Variants in MSI2 observed in about 807,000 individuals in gnomAD.
MSI2 encodes RNA-binding protein Musashi homolog 2.
MSI2 carries 17 observed loss-of-function variants against 45.6 expected under a neutral mutation model. That is an observed-to-expected ratio of 0.37 (90% confidence interval 0.26 to 0.56). MSI2 has a LOEUF of 0.56. MSI2 is among the 20% of genes least tolerant of loss of function. MSI2 has a pLI of 0.77. For synonymous variants in MSI2, 156 were observed against 158.2 expected, an observed-to-expected ratio of 0.99 and a Z score of 0.11; for missense variants, 293 against 444.2, an observed-to-expected ratio of 0.66 and a Z score of 3.06.
In MSI2 at chr17:57,262,130, C is replaced by G. The variant is rs775878253; in HGVS notation, c.271-21C>G. The G allele has an allele frequency of 2.5e-6, 4 of 1,613,584 alleles. No individual in the cohort carries two copies. The South Asian group carries it at 3.3e-5, about 13-fold the overall frequency. ...CCTTAAAGTACTTTATTGACTCCTG[C>G]TTTTCTATTTTTTTTCCCAGATTGA... On this transcript the variant is annotated intron_variant, in intron 4 of 13. Transcript: ENST00000284073.
chr17:57,317,239 A>G (rs1035539843), intron 5 of MSI2, among the ~76,000 whole-genome samples: 4 of 152,172 alleles, frequency 2.6e-5, no homozygotes, highest in Non-Finnish European at 5.9e-5. Context: ...TGGGGGTGGC[A>G]GCATGCTTAC....
At chr17:57,332,840 A>G (rs1007915916) in intron 5 of MSI2, among the ~76,000 whole-genome samples, 3 of 152,182 alleles carry the variant, frequency 2.0e-5, no homozygotes, top group Admixed American at 1.3e-4. Flanking sequence ...CCTAGCCAAC[A>G]TGGTGAAACC....
intron 6 of MSI2, among the ~76,000 whole-genome samples, chr17:57,420,997 T>C (rs914925340): frequency 1.1e-4 from 17 of 152,340 alleles, no homozygotes; most frequent in Non-Finnish European, 2.5e-4. Flanking sequence ...TATTGCACTA[T>C]AGCTTTGGTG....
At chr17:57,432,904 G>A (rs998996233) in intron 6 of MSI2, among the ~76,000 whole-genome samples, 1 of 152,114 alleles carries the variant, frequency 6.6e-6, no homozygotes, top group African/African-American at 2.4e-5. Context: ...CCTTGTCACG[G>A]TCCCTCTTGC....
intron 7 of MSI2, among the ~76,000 whole-genome samples, chr17:57,539,782 A>T (rs1370475298): frequency 2.0e-5 from 3 of 152,278 alleles, no homozygotes; most frequent in East Asian, 3.9e-4. Context: ...CCAAGACCAG[A>T]GGGGAGGAGG....
chr17:57,695,840 G>A, the MSI2 span, among the ~76,000 whole-genome samples: 66 of 152,134 alleles, frequency 4.3e-4, no homozygotes, highest in South Asian at 9.6e-3. Flanking sequence ...TTCTGGTGAC[G>A]GCTCTCTTCC....
intron 6 of MSI2, among the ~76,000 whole-genome samples, chr17:57,402,902 G>A (rs137950691): frequency 2.6e-5 from 4 of 152,258 alleles, no homozygotes; most frequent in South Asian, 2.1e-4. Flanking sequence ...GACTGTGTAC[G>A]TTATAGCACT....
intron 11 of MSI2, among the ~76,000 whole-genome samples, chr17:57,661,490 C>T (rs75226173): frequency 0.014 from 2,179 of 152,084 alleles, 56 homozygotes; most frequent in African/African-American, 0.049. Flanking sequence ...ATGCAAGTGG[C>T]GCTCAGTAAG....
rs144532593 is a variant in MSI2 at position 57,399,966 on chromosome 17, C to T, written c.313-1413C>T. 1.8e-3 allele frequency among the ~76,000 whole-genome samples: 270 copies of T among 152,292 alleles called. 3 individuals are homozygous for T. In the Middle Eastern group the frequency reaches 0.031, roughly 17 times the overall value. ...TCACTCATTCACTCAGCAGATACGC[C>T]GGGAGCCTCTGTGATGACTGACCCG... On this transcript the variant is annotated intron_variant, in intron 5 of 13. Transcript: ENST00000284073.
chr17:57,599,892 A>G (rs1448723995), intron 8 of MSI2, among the ~76,000 whole-genome samples: 2 of 152,200 alleles, frequency 1.3e-5, no homozygotes, highest in African/African-American at 4.8e-5. Context: ...GGGCTTACTT[A>G]GCACAGTGTC....
At chr17:57,343,764 C>G (rs1381539551) in intron 5 of MSI2, among the ~76,000 whole-genome samples, 2 of 152,142 alleles carry the variant, frequency 1.3e-5, no homozygotes, top group Non-Finnish European at 2.9e-5. Flanking sequence ...CTGCTTTAAC[C>G]TGGAATATTT....
At chr17:57,371,041 C>T (rs1383082682) in intron 5 of MSI2, among the ~76,000 whole-genome samples, 1 of 152,170 alleles carries the variant, frequency 6.6e-6, no homozygotes, top group Non-Finnish European at 1.5e-5. Context: ...ATGCAGTAGG[C>T]TCAGTATCTT....
intron 3 of MSI2, among the ~76,000 whole-genome samples, chr17:57,257,873 C>T (rs779677855): frequency 1.3e-5 from 2 of 151,804 alleles, no homozygotes; most frequent in Non-Finnish European, 2.9e-5. Flanking sequence ...TGTGTGTTTC[C>T]CCCACACTCC....
At chr17:57,258,182 C>G (rs913000508) in intron 3 of MSI2, 88 bp from the exon 4 acceptor site, 1 of 1,184,342 alleles carries the variant, frequency 8.4e-7, no homozygotes, top group African/African-American at 1.5e-5. Flanking sequence ...AACTTTTGCT[C>G]CTCATTCAGC....
intron 6 of MSI2, among the ~76,000 whole-genome samples, chr17:57,418,730 T>C (rs1030015007): frequency 2.0e-5 from 3 of 152,210 alleles, no homozygotes; most frequent in African/African-American, 7.2e-5. Flanking sequence ...TGCAGCTTTA[T>C]GCGACGGGTC....
intron 5 of MSI2, among the ~76,000 whole-genome samples, chr17:57,286,231 T>G (rs1311145523): frequency 6.6e-6 from 1 of 151,926 alleles, no homozygotes; most frequent in African/African-American, 2.4e-5. Flanking sequence ...CAACAAATAG[T>G]CTTTTTTTTT....
intron 6 of MSI2, among the ~76,000 whole-genome samples, chr17:57,507,302 C>T (rs2086259597): frequency 6.7e-6 from 1 of 148,494 alleles, no homozygotes; most frequent in Non-Finnish European, 1.5e-5. Context: ...CCGACAATGA[C>T]TAAGAAGCAT....
intron 6 of MSI2, among the ~76,000 whole-genome samples, chr17:57,498,584 A>T (rs918260364): frequency 2.0e-5 from 3 of 152,144 alleles, no homozygotes; most frequent in African/African-American, 7.2e-5. Context: ...CCTGGAACAC[A>T]TCTCTTCTTT....
intron 10 of MSI2, among the ~76,000 whole-genome samples, chr17:57,648,347 A>C (rs190671032): frequency 6.6e-6 from 1 of 152,164 alleles, no homozygotes; most frequent in Non-Finnish European, 1.5e-5. Flanking sequence ...GCATTCATCT[A>C]AGCACTTTGC....
Sources: gnomAD v4.1 joint callset for allele counts (sites outside exome capture counted in the v4.1 genomes callset) on GRCh38, gnomAD v4.1.1 for gene constraint, MANE v1.5 for transcripts, NCBI Gene and HGNC (gene_info 2026-07-23, HGNC 2026-07-21) for gene names.